The following NAALADL2 variants were observed in gnomAD, a reference collection of about 807,000 sequenced individuals.
The protein encoded by NAALADL2 is N-acetylated alpha-linked acidic dipeptidase like 2.
In NAALADL2, 76 loss-of-function variants were observed where a neutral mutation model predicts 87.2. The ratio of observed to expected loss-of-function variants is 0.87; its 90% CI spans 0.72 to 1.05. The LOEUF is 1.05. NAALADL2 is among the 50% of genes least tolerant of loss of function. The pLI, the probability that NAALADL2 is intolerant of heterozygous loss-of-function variation, is 0.00. For synonymous variants in NAALADL2, 354 were observed against 331.0 expected, an observed-to-expected ratio of 1.07 and a Z score of -0.75; for missense variants, 1,089 against 945.8, an observed-to-expected ratio of 1.15 and a Z score of -1.99.
At chr3:174,651,290 A>G (rs966077731) in intron 2 of NAALADL2, among the ~76,000 whole-genome samples, 4 of 152,164 alleles carry the variant, frequency 2.6e-5, no homozygotes, top group African/African-American at 9.6e-5. Flanking sequence ...CATCTAGGCT[A>G]TTGGCTTTTA....
intron 1 of NAALADL2, among the ~76,000 whole-genome samples, chr3:174,445,475 A>C (rs1714985323): frequency 6.6e-6 from 1 of 152,198 alleles, no homozygotes; most frequent in African/African-American, 2.4e-5. Flanking sequence ...GAGGCAGCTC[A>C]AGATCATTTT....
chr3:175,139,861 A>G lies in NAALADL2; in HGVS notation c.545+42570A>G, dbSNP rs368599535. On this transcript the variant is annotated intron_variant, in intron 2 of 13. Transcript: ENST00000454872. ...AAAGCAAAACACGCAACTCTAACAAAGGGGTACCAACTGATAAAAATTTTG... is the reference window on the plus strand; with the variant it reads ...AAAGCAAAACACGCAACTCTAACAAGGGGGTACCAACTGATAAAAATTTTG... 1.6e-3 allele frequency among the ~76,000 whole-genome samples: 239 copies of G among 152,290 alleles called. 2 individuals carry two copies. The highest frequency in any genetic ancestry group is 5.6e-3 in the African/African-American group (233 of 41,578).
intron 1 of NAALADL2, among the ~76,000 whole-genome samples, chr3:175,049,836 G>A (rs1755143204): frequency 6.6e-6 from 1 of 152,202 alleles, no homozygotes; most frequent in Admixed American, 6.5e-5. Flanking sequence ...AGTTGAGAAA[G>A]GGTGTTGATT....
At chr3:174,941,706 A>T (rs1310790865) in intron 1 of NAALADL2, among the ~76,000 whole-genome samples, 1 of 152,040 alleles carries the variant, frequency 6.6e-6, no homozygotes, top group African/African-American at 2.4e-5. Context: ...TATATTTAGG[A>T]TAGTTAGGTC....
chr3:174,679,024 C>T (rs183865506), intron 2 of NAALADL2, among the ~76,000 whole-genome samples: 4 of 152,154 alleles, frequency 2.6e-5, no homozygotes, highest in East Asian at 1.9e-4. Flanking sequence ...TGTCTAGATA[C>T]GAATTTCTGT....
intron 2 of NAALADL2, among the ~76,000 whole-genome samples, chr3:175,228,100 A>G (rs930480138): frequency 9.1e-4 from 139 of 152,012 alleles, no homozygotes; most frequent in African/African-American, 3.2e-3. Flanking sequence ...TTATTGATAT[A>G]CTTGTATTTT....
At chr3:175,747,452 G>T (rs773042022) in intron 12 of NAALADL2, among the ~76,000 whole-genome samples, 1 of 152,014 alleles carries the variant, frequency 6.6e-6, no homozygotes, top group Non-Finnish European at 1.5e-5. Flanking sequence ...TCCCTAAGGT[G>T]TATTTTTTGG....
intron 4 of NAALADL2, among the ~76,000 whole-genome samples, chr3:175,281,119 A>AAAT (rs1754251175): frequency 6.7e-6 from 1 of 149,314 alleles, no homozygotes; most frequent in African/African-American, 2.4e-5. Flanking sequence ...ACTTAAAAAA[A>AAAT]ATATATATAT....
intron 2 of NAALADL2, among the ~76,000 whole-genome samples, chr3:175,232,091 T>C (rs988135686): frequency 1.3e-5 from 2 of 149,968 alleles, no homozygotes; most frequent in African/African-American, 2.5e-5. Context: ...TCCAAGTAGA[T>C]ATTTAAAAAG....
intron 6 of NAALADL2, among the ~76,000 whole-genome samples, chr3:175,462,238 G>T (rs989179771): frequency 1.3e-5 from 2 of 152,048 alleles, no homozygotes; most frequent in Non-Finnish European, 2.9e-5. Context: ...AACCTAAAAT[G>T]CTCTAAGAAA....
intron 2 of NAALADL2, among the ~76,000 whole-genome samples, chr3:175,103,275 A>G (rs552758531): frequency 6.6e-6 from 1 of 152,112 alleles, no homozygotes; most frequent in Non-Finnish European, 1.5e-5. Flanking sequence ...GTTCTTCTCA[A>G]TGTACTTTTA....
chr3:174,839,994 C>G (rs1480074374), intron 3 of NAALADL2, among the ~76,000 whole-genome samples: 1 of 152,042 alleles, frequency 6.6e-6, no homozygotes, highest in Non-Finnish European at 1.5e-5. Context: ...AGCAATCCCA[C>G]TACTGGGTAT....
intron 1 of NAALADL2, among the ~76,000 whole-genome samples, chr3:174,483,823 G>A (rs866780520): frequency 1.3e-5 from 2 of 152,052 alleles, no homozygotes; most frequent in South Asian, 4.2e-4. Flanking sequence ...CAAAAGACAA[G>A]AAGCACTTTC....
chr3:175,652,998 AT>A (rs1446809942), intron 11 of NAALADL2, among the ~76,000 whole-genome samples: 1 of 152,164 alleles, frequency 6.6e-6, no homozygotes, highest in Non-Finnish European at 1.5e-5. Context: ...TGTTATATGT[AT>A]TGTACACTGT....
At chr3:174,794,224 G>A (rs1358414234) in intron 3 of NAALADL2, among the ~76,000 whole-genome samples, 2 of 151,926 alleles carry the variant, frequency 1.3e-5, no homozygotes, top group Non-Finnish European at 2.9e-5. Context: ...ATAGTCTTCT[G>A]CCCAATGTGA....
intron 13 of NAALADL2, among the ~76,000 whole-genome samples, chr3:175,784,391 G>C (rs1490877912): frequency 6.7e-6 from 1 of 150,096 alleles, no homozygotes; most frequent in Admixed American, 6.6e-5. Flanking sequence ...TCCTGTTATT[G>C]GTCTATTCAG....
At chr3:175,779,312 G>A (rs1750691496) in intron 13 of NAALADL2, among the ~76,000 whole-genome samples, 1 of 152,268 alleles carries the variant, frequency 6.6e-6, no homozygotes, top group African/African-American at 2.4e-5. Flanking sequence ...CTATCTGGGG[G>A]CAGTGTATTT....
chr3:175,660,810 CAT>C (rs1732147502), intron 11 of NAALADL2, among the ~76,000 whole-genome samples: 1 of 152,076 alleles, frequency 6.6e-6, no homozygotes, highest in Non-Finnish European at 1.5e-5. Context: ...CCTCCAGATC[CAT>C]CCGTGTTGCT....
intron 3 of NAALADL2, among the ~76,000 whole-genome samples, chr3:175,241,142 G>A (rs1464517563): frequency 6.6e-6 from 1 of 152,042 alleles, no homozygotes; most frequent in Admixed American, 6.5e-5. Context: ...GTGACCTTCT[G>A]TTTCTCATTT....
Sources: gnomAD v4.1 joint callset for allele counts (sites outside exome capture counted in the v4.1 genomes callset) on GRCh38, gnomAD v4.1.1 for gene constraint, MANE v1.5 for transcripts, NCBI Gene and HGNC (gene_info 2026-07-23, HGNC 2026-07-21) for gene names.